The following MYT1L variants were observed in gnomAD, a reference collection of about 807,000 sequenced individuals.
MYT1L encodes myelin transcription factor 1 like.
In MYT1L, 12 loss-of-function variants were observed where a neutral mutation model predicts 126.7. The observed-to-expected ratio is 0.09, with a 90% CI of 0.06 to 0.15. The LOEUF is 0.15. Among genes scored for constraint, MYT1L ranks in the 10% least tolerant of loss-of-function variants. The probability of loss-of-function intolerance (pLI) is 1.00; values close to 1 mark genes in which losing one functional copy is unlikely to be tolerated. For missense variants in MYT1L, 979 were observed against 1,585.2 expected, an observed-to-expected ratio of 0.62 and a Z score of 6.49; for synonymous variants, 541 against 604.2, an observed-to-expected ratio of 0.90 and a Z score of 1.53.
At chr2:1,954,366 C>T (rs963824755) in intron 8 of MYT1L, among the ~76,000 whole-genome samples, 4 of 152,160 alleles carry the variant, frequency 2.6e-5, no homozygotes, top group African/African-American at 9.7e-5. Flanking sequence ...ATAACGTGTC[C>T]AGAGAGGATA....
chr2:1,922,586 C>T lies in MYT1L; in HGVS notation c.1183G>A (p.Val395Met). 6.2e-7 allele frequency: 1 copy of T among 1,614,030 alleles called. No homozygotes were observed. Among genetic ancestry groups the T allele is most frequent in the Non-Finnish European group, 8.5e-7 (1 of 1,179,900 alleles). ...TCCTCCTTCGCACAGCTGGCAAACA[C>T]TCTCGACCGGGGGCTCAACTGCTCC... Reference protein sequence around the residue: ...LEEQLSPRSRVFASCAKEDGC... With the variant: ...LEEQLSPRSRMFASCAKEDGC... Residue 395 changes from valine (V) to methionine (M), a missense_variant, in exon 10 of 25, where the codon GTG becomes ATG. By Grantham distance (21) the Val-to-Met change is conservative. Around this residue, in one of 12 missense-constraint regions of MYT1L, gnomAD observed 243 missense variants for 363.9 expected, o/e 0.67. Coordinates refer to ENST00000647738, the MANE Select transcript of MYT1L (RefSeq NM_001303052.2). This position sits in a 1 kb window ranked among gnomAD's most constrained non-coding sequence, Gnocchi z 7.4.
At chr2:1,997,383 G>A (rs1467949108) in intron 4 of MYT1L, 36 bp from the exon 5 acceptor site, 1 of 152,464 alleles carries the variant, frequency 6.6e-6, no homozygotes, top group African/African-American at 2.4e-5. Context: ...AGCACCTCAT[G>A]AATTCATCGC....
chr2:1,961,971 G>A (rs1197933865), intron 8 of MYT1L, among the ~76,000 whole-genome samples: 1 of 152,154 alleles, frequency 6.6e-6, no homozygotes, highest in East Asian at 1.9e-4. Context: ...GATGTTTCTA[G>A]CATAAAGACA....
At chr2:2,112,937 G>C (rs1205873918) in intron 3 of MYT1L, among the ~76,000 whole-genome samples, 2 of 152,168 alleles carry the variant, frequency 1.3e-5, no homozygotes, top group East Asian at 3.9e-4. Context: ...TGCAGAGCTG[G>C]CTTCATAATC....
chr2:1,962,731 C>T (rs1420890752), intron 8 of MYT1L, among the ~76,000 whole-genome samples: 1 of 152,214 alleles, frequency 6.6e-6, no homozygotes, highest in African/African-American at 2.4e-5. Flanking sequence ...ACAATGTTCA[C>T]AGCATCTTCA....
At chr2:2,105,375 G>A (rs1279133132) in intron 3 of MYT1L, among the ~76,000 whole-genome samples, 1 of 152,148 alleles carries the variant, frequency 6.6e-6, no homozygotes. Flanking sequence ...CATGAGAAGG[G>A]TATAATACAT....
chr2:2,004,799 T>C (rs200851429), intron 4 of MYT1L, among the ~76,000 whole-genome samples: 5,758 of 61,138 alleles, frequency 0.094, 169 homozygotes, highest in African/African-American at 0.14. Context: ...TTCCTGCATG[T>C]GTTCTTTCCT....
chr2:1,812,423 G>A (rs1310413030), intron 21 of MYT1L, among the ~76,000 whole-genome samples: 1 of 152,188 alleles, frequency 6.6e-6, no homozygotes, highest in African/African-American at 2.4e-5. Context: ...TGGAATAGGT[G>A]CCCAGTGACG....
At chr2:2,026,228 GC>G (rs560759394) in intron 4 of MYT1L, among the ~76,000 whole-genome samples, 28 of 152,298 alleles carry the variant, frequency 1.8e-4, no homozygotes, top group Middle Eastern at 3.4e-3. Context: ...ATATGACGTG[GC>G]CCCAGTCTGT....
intron 8 of MYT1L, among the ~76,000 whole-genome samples, chr2:1,954,682 C>T (rs2058184834): frequency 1.3e-5 from 2 of 152,000 alleles, no homozygotes; most frequent in East Asian, 1.9e-4. Flanking sequence ...TTCTCTTTTC[C>T]AGGGACCCCT....
intron 21 of MYT1L, among the ~76,000 whole-genome samples, chr2:1,813,587 G>A (rs936351237): frequency 2.0e-5 from 3 of 152,134 alleles, no homozygotes; most frequent in Non-Finnish European, 4.4e-5. Context: ...CACGTCAGCG[G>A]CGGGATTCGA....
Position 1,979,915 on chromosome 2 carries a change from G to T in MYT1L, c.1-138C>A, listed in dbSNP as rs1318177566. The T allele has an allele frequency of 2.5e-5, 20 of 806,812 alleles. No homozygotes were observed. The highest frequency in any genetic ancestry group is 3.9e-5 in the Non-Finnish European group (19 of 487,132). The allele number at this position is 806,812 out of a possible 1,614,324, so 50.0% of individuals were successfully genotyped here. On this transcript the variant is annotated intron_variant, in intron 5 of 24. Transcript: ENST00000647738. This position sits in a 1 kb window ranked among gnomAD's most constrained non-coding sequence, Gnocchi z 4.0. ...CTCCATGAAGGGAAGCCCTCTACAA[G>T]GGCAGGGGGTAAGACCAGGCAATCT...
intron 4 of MYT1L, among the ~76,000 whole-genome samples, chr2:2,024,349 C>T (rs1399708347): frequency 2.0e-5 from 3 of 152,196 alleles, no homozygotes; most frequent in East Asian, 1.9e-4. Flanking sequence ...CACCCAAACC[C>T]GCCCAGTGCA....
At chr2:1,877,710 A>G (rs1291696038) in intron 18 of MYT1L, among the ~76,000 whole-genome samples, 1 of 151,942 alleles carries the variant, frequency 6.6e-6, no homozygotes, top group Non-Finnish European at 1.5e-5. Context: ...CATGGCTGTG[A>G]GCAGTTCTGC....
At chr2:2,317,841 C>T (rs1283622084) in intron 1 of MYT1L, among the ~76,000 whole-genome samples, 2 of 152,072 alleles carry the variant, frequency 1.3e-5, no homozygotes, top group Non-Finnish European at 2.9e-5. Flanking sequence ...TGTAATCATC[C>T]TCCTGACCGT....
intron 3 of MYT1L, among the ~76,000 whole-genome samples, chr2:2,099,037 G>C (rs1385790153): frequency 6.6e-6 from 1 of 152,190 alleles, no homozygotes; most frequent in Non-Finnish European, 1.5e-5. Context: ...GCACCGCTAG[G>C]CAGCCCATTA....
chr2:2,244,698 TG>T (rs1373525447), intron 2 of MYT1L, among the ~76,000 whole-genome samples: 5 of 152,030 alleles, frequency 3.3e-5, no homozygotes, highest in African/African-American at 1.2e-4. Flanking sequence ...AGAGGGGAAA[TG>T]GTGGCAGAAA....
In MYT1L at chr2:2,228,902, A is replaced by G. The variant is rs1432979946; in HGVS notation, c.-421+55502T>C. On this transcript the variant is annotated intron_variant, in intron 2 of 24. Coordinates refer to ENST00000647738, the MANE Select transcript of MYT1L (RefSeq NM_001303052.2). This position sits in a 1 kb window ranked among gnomAD's most constrained non-coding sequence, Gnocchi z 5.9. ...CAATCTTTTTAAAAAATACAGGACA[A>G]GGGCAAGTTAATAAGAAGAAACACA... is the stretch of plus-strand genomic sequence containing the variant. Among the ~76,000 whole-genome samples, 1 of 152,174 alleles carries G rather than the reference A, an allele frequency of 6.6e-6. No homozygotes were observed. Among genetic ancestry groups the G allele is most frequent in the Non-Finnish European group, 1.5e-5 (1 of 68,034 alleles).
intron 3 of MYT1L, among the ~76,000 whole-genome samples, chr2:2,108,422 G>T (rs1053630854): frequency 6.6e-6 from 1 of 152,164 alleles, no homozygotes; most frequent in African/African-American, 2.4e-5. Context: ...TTTCCTTTCA[G>T]CTTCATCCTA....
Sources: allele counts gnomAD v4.1 joint callset (sites outside exome capture counted in the v4.1 genomes callset), GRCh38; gene constraint gnomAD v4.1.1; regional missense constraint gnomAD v4.1.1; non-coding constraint Gnocchi (gnomAD v3.1); transcripts MANE v1.5; gene names NCBI Gene and HGNC (gene_info 2026-07-23, HGNC 2026-07-21).